Variants in YLPM1 observed in about 807,000 individuals in gnomAD.
YLPM1 encodes YLP motif containing 1, also known as YLP motif-containing protein 1.
Under a neutral mutation model 230.0 loss-of-function variants are expected in YLPM1, and 99 were observed. The observed-to-expected ratio is 0.43, with a 90% confidence interval of 0.37 to 0.51. YLPM1 has a LOEUF of 0.51. YLPM1 is among the 20% of genes least tolerant of loss of function. YLPM1 has a pLI of 0.00. For missense variants in YLPM1, 2,592 were observed against 2,707.7 expected, an observed-to-expected ratio of 0.96 and a Z score of 0.95; for synonymous variants, 984 against 942.5, an observed-to-expected ratio of 1.04 and a Z score of -0.81.
rs550817076 is a variant in YLPM1 at position 74,789,436 on chromosome 14, C to T, written c.2282+7111C>T. On this transcript the variant is annotated intron_variant, in intron 4 of 20. Transcript: ENST00000325680. ...TTCACTGTTTTGGCCAGGCTGGTCTCGAACTCCTGACCTCAGGTGATCCAT... is the reference window on the plus strand; with the variant it reads ...TTCACTGTTTTGGCCAGGCTGGTCTTGAACTCCTGACCTCAGGTGATCCAT... Among the ~76,000 whole-genome samples, 73 of 152,048 alleles carry T rather than the reference C, an allele frequency of 4.8e-4. 1 individual carries two copies. In the South Asian group the frequency reaches 8.9e-3, roughly 19 times the overall value.
At chr14:74,809,225 A>AT (rs199916917) in intron 6 of YLPM1, among the ~76,000 whole-genome samples, 155 bp from the exon 7 acceptor site, 2 of 150,840 alleles carry the variant, frequency 1.3e-5, no homozygotes, top group Non-Finnish European at 3.0e-5. Context: ...GCTTGTCCTC[A>AT]TTTTTTTTGA....
In YLPM1 at chr14:74,799,566, ACAT is replaced by A. The variant is rs1406697557; in HGVS notation, c.4273_4275del (p.His1425del). On this transcript the variant is annotated inframe_deletion, in exon 5 of 21. Transcript: ENST00000325680. ...CCATGGCGGAACATATGCCCTCCTC[ACAT>A]CATTCCTCAGAAATGATGGGGTCCG... 2 of 1,613,964 alleles carry A rather than the reference ACAT, an allele frequency of 1.2e-6. No homozygotes were observed. The highest frequency in any genetic ancestry group is 3.3e-4 in the Middle Eastern group (2 of 6,062).
rs754431179 is a variant in YLPM1 at position 74,821,170 on chromosome 14, CTCTT to C, written c.6111+35_6111+38del. ...ACAGACCAACCACTTTGAACAGTGT[CTCTT>C]TATTAAAATTCTTAAAGAAGGTTTA... On this transcript the variant is annotated intron_variant, in intron 17 of 20. Transcript: ENST00000325680. 61 of 1,518,996 alleles carry C rather than the reference CTCTT, an allele frequency of 4.0e-5. No homozygotes were observed. In the Middle Eastern group the frequency reaches 5.1e-4, roughly 13 times the overall value. The allele number at this position is 1,518,996 out of a possible 1,614,324, so 94.1% of individuals were successfully genotyped here. A position where few individuals can be genotyped will look rare whatever the true frequency, so the allele number is the denominator to read the frequency against.
At chr14:74,823,051 AAAT>A (rs1256983389) in intron 17 of YLPM1, among the ~76,000 whole-genome samples, 2 of 152,128 alleles carry the variant, frequency 1.3e-5, no homozygotes, top group African/African-American at 4.8e-5. Flanking sequence ...TGTATTTGGG[AAAT>A]ATATAATTTG....
chr14:74,810,040 T>A, intron 8 of YLPM1, 38 bp downstream of exon 8: 1 of 1,540,916 alleles, frequency 6.5e-7, no homozygotes, highest in South Asian at 1.2e-5. Context: ...TTAAACATTT[T>A]AGGGCCTAAT....
chr14:74,814,555 A>G (rs1256540499), intron 11 of YLPM1, among the ~76,000 whole-genome samples: 1 of 152,230 alleles, frequency 6.6e-6, no homozygotes, highest in Non-Finnish European at 1.5e-5. Flanking sequence ...ATGATGTGTT[A>G]CATTAATTGA....
intron 5 of YLPM1, among the ~76,000 whole-genome samples, chr14:74,800,569 T>C (rs1053387129): frequency 1.3e-5 from 2 of 152,266 alleles, no homozygotes; most frequent in African/African-American, 4.8e-5. Context: ...TAAATTCCAA[T>C]GTATTTCTTC....
In YLPM1 at chr14:74,810,245, C is replaced by A; in HGVS notation, c.5053C>A (p.Arg1685Ser). The A allele has an allele frequency of 6.2e-7, 1 of 1,613,408 alleles. No individual in the cohort carries two copies. Among genetic ancestry groups the A allele is most frequent in the South Asian group, 1.1e-5 (1 of 91,002 alleles). ...TGTAGAGCATGCAGGCCAACGTGAT[C>A]GTTATGATAGAGAAAGAGATCGTGA... Reference protein sequence around the residue: ...FETEHAGQRDRYDRERDREPY... With the variant: ...FETEHAGQRDSYDRERDREPY... Residue 1685 changes from arginine (R) to serine (S), a missense_variant, in exon 9 of 21, where the codon CGT becomes AGT. Transcript: ENST00000325680.
intron 4 of YLPM1, among the ~76,000 whole-genome samples, chr14:74,790,079 GA>G (rs1288729547): frequency 2.3e-4 from 35 of 152,126 alleles, no homozygotes; most frequent in African/African-American, 8.2e-4. Context: ...GAATTTTGAT[GA>G]GCATTGCATA....
chr14:74,819,681 G>A (rs373471793), intron 16 of YLPM1, among the ~76,000 whole-genome samples: 4 of 152,144 alleles, frequency 2.6e-5, no homozygotes, highest in Admixed American at 1.3e-4. Context: ...AATGATTTCC[G>A]TGGCAGTGGA....
At chr14:74,823,366 A>G (rs915566238) in intron 17 of YLPM1, among the ~76,000 whole-genome samples, 1 of 152,100 alleles carries the variant, frequency 6.6e-6, no homozygotes, top group Non-Finnish European at 1.5e-5. Flanking sequence ...TCTAATGGAA[A>G]ACAGTCTAAA....
chr14:74,785,265 G>A (rs2091136197), intron 4 of YLPM1, among the ~76,000 whole-genome samples: 1 of 152,194 alleles, frequency 6.6e-6, no homozygotes, highest in Non-Finnish European at 1.5e-5. Context: ...CTTGGTCAAT[G>A]ATGATTATAT....
At chr14:74,832,214 T>G (rs2091612730) in intron 19 of YLPM1, among the ~76,000 whole-genome samples, 1 of 152,222 alleles carries the variant, frequency 6.6e-6, no homozygotes, top group South Asian at 2.1e-4. Context: ...GACACTGATA[T>G]TCAAGAAGCC....
chr14:74,824,230 C>T (rs377486827), intron 17 of YLPM1, 26 bp from the exon 18 acceptor site: 17 of 1,609,106 alleles, frequency 1.1e-5, no homozygotes, highest in Non-Finnish European at 1.4e-5. Context: ...TCTAACCCTT[C>T]GAGCTTCTCT....
chr14:74,807,230 TCTCCAGG>T (rs2091388834), intron 6 of YLPM1, among the ~76,000 whole-genome samples: 1 of 152,024 alleles, frequency 6.6e-6, no homozygotes, highest in Admixed American at 6.5e-5. Context: ...TATTGTGGGC[TCTCCAGG>T]ATCTAAAATA....
intron 4 of YLPM1, among the ~76,000 whole-genome samples, chr14:74,797,091 C>A (rs2091270177): frequency 6.7e-6 from 1 of 149,492 alleles, no homozygotes. Flanking sequence ...CCTGCCTCAG[C>A]CTCCCAAGCA....
chr14:74,808,421 G>A (rs2091399706), intron 6 of YLPM1, among the ~76,000 whole-genome samples: 1 of 152,168 alleles, frequency 6.6e-6, no homozygotes, highest in South Asian at 2.1e-4. Flanking sequence ...GTACGGCTAT[G>A]AATGTTTGTG....
chr14:74,827,006 T>G (rs1187344541), intron 18 of YLPM1, among the ~76,000 whole-genome samples: 2 of 152,210 alleles, frequency 1.3e-5, no homozygotes, highest in African/African-American at 4.8e-5. Context: ...GTATATTGGT[T>G]TTCTACATGT....
chr14:74,801,685 T>G, intron 5 of YLPM1, among the ~76,000 whole-genome samples: 1 of 152,160 alleles, frequency 6.6e-6, no homozygotes. Context: ...TTGTGACAGG[T>G]TGTTTCATCT....
Sources: gnomAD v4.1 joint callset for allele counts (sites outside exome capture counted in the v4.1 genomes callset) on GRCh38, gnomAD v4.1.1 for gene constraint, MANE v1.5 for transcripts, NCBI Gene and HGNC (gene_info 2026-07-23, HGNC 2026-07-21) for gene names.